PRRT4: variants seen among roughly 807,000 people sequenced by gnomAD.
PRRT4 encodes proline rich transmembrane protein 4.
A neutral mutation model predicts 55.6 loss-of-function variants in PRRT4; 59 were observed. The ratio of observed to expected loss-of-function variants is 1.06; its 90% confidence interval spans 0.86 to 1.32. The LOEUF (loss-of-function observed/expected upper bound fraction) is 1.32. Among genes scored for constraint, PRRT4 ranks in the 40% most tolerant of loss-of-function variants. The pLI, the probability that PRRT4 is intolerant of heterozygous loss-of-function variation, is 0.00. For missense variants in PRRT4, 1,217 were observed against 1,222.0 expected, an observed-to-expected ratio of 1.00 and a Z score of 0.06; for synonymous variants, 606 against 601.8, an observed-to-expected ratio of 1.01 and a Z score of -0.10.
exon 5 of PRRT4, chr7:128,351,504 G>A (rs770932631): frequency 8.7e-5 from 130 of 1,500,358 alleles, no homozygotes; most frequent in Admixed American, 2.0e-4. Flanking sequence ...GGAGGTCTGG[G>A]CCTGGCCCTG....
At chr7:128,359,505 C>T (rs773664441) in exon 2 of PRRT4, 10 of 1,467,950 alleles carry the variant, frequency 6.8e-6, no homozygotes, top group Non-Finnish European at 9.0e-6. Context: ...GATGGAAGTG[C>T]TGTCACCATC....
exon 5 of PRRT4, chr7:128,351,388 G>A: frequency 2.6e-6 from 4 of 1,543,558 alleles, no homozygotes; most frequent in Non-Finnish European, 3.5e-6. Context: ...GATTGGGGAG[G>A]GCGGGCGGAA....
At chr7:128,351,717 G>C in exon 5 of PRRT4, 1 of 1,484,490 alleles carries the variant, frequency 6.7e-7, no homozygotes, top group Non-Finnish European at 8.9e-7. Flanking sequence ...GCGCCAACGG[G>C]AGCGCGACGC....
chr7:128,352,648 T>A (rs1012230625), exon 5 of PRRT4: 1 of 1,536,896 alleles, frequency 6.5e-7, no homozygotes, highest in Non-Finnish European at 8.7e-7. Flanking sequence ...AGGAGAGAGG[T>A]CATCTGGGCC....
chr7:128,357,551 T>C (rs1797142247), intron 4 of PRRT4, among the ~76,000 whole-genome samples: 1 of 152,156 alleles, frequency 6.6e-6, no homozygotes, highest in Non-Finnish European at 1.5e-5. Context: ...CTGCCCCTGC[T>C]GCACGCTGGG....
At chr7:128,353,736 G>A (rs563980933) in intron 4 of PRRT4, among the ~76,000 whole-genome samples, 1 of 152,310 alleles carries the variant, frequency 6.6e-6, no homozygotes, top group Admixed American at 6.5e-5. Context: ...AACTCCCAGG[G>A]AGAAACTCTT....
chr7:128,359,623 C>T lies in PRRT4; in HGVS notation c.369G>A (p.Arg123=), dbSNP rs141067389. 4.8e-4 allele frequency: 739 copies of T among 1,535,200 alleles called. 11 individuals are homozygous for T. In the East Asian group the frequency reaches 0.018, roughly 37 times the overall value. ...TGGACTCCGGAAGCAGGGAGGAGGC[C>T]CGGGGCTTTGAGCCACCTTCGGTGG... The change falls in exon 2 of 5, where the codon CGG becomes CGA. Residue 123 remains arginine (R), a synonymous_variant. Coordinates refer to ENST00000535159, the Ensembl canonical transcript of PRRT4.
Position 128,358,858 on chromosome 7 carries a change from G to T in PRRT4, c.758-58C>A. On this transcript the variant is annotated intron_variant, in intron 3 of 4. Transcript: ENST00000535159. The surrounding 1 kb of genome is among the most constrained non-coding windows in gnomAD (Gnocchi z 4.4). ...CCCCACCAACCAGCCTTGCCTCTGG[G>T]AGTTTGGAGAAAATTATGTCCTTCC... The T allele has an allele frequency of 6.8e-7, 1 of 1,477,282 alleles. No homozygotes were observed. Among genetic ancestry groups the T allele is most frequent in the African/African-American group, 1.4e-5 (1 of 70,192 alleles). The allele number at this position is 1,477,282 out of a possible 1,614,324, so 91.5% of individuals were successfully genotyped here. A position where few individuals can be genotyped will look rare whatever the true frequency, so the allele number is the denominator to read the frequency against.
chr7:128,358,883 C>T lies in PRRT4; in HGVS notation c.758-83G>A, dbSNP rs1049608950. On this transcript the variant is annotated intron_variant, in intron 3 of 4. Transcript: ENST00000535159. The surrounding 1 kb of genome is among the most constrained non-coding windows in gnomAD (Gnocchi z 4.4). ...GAGTTTGGAGAAAATTATGTCCTTCCCCAGAGTTTGTCCTAAGGAAGTCAC... is the reference window on the plus strand; with the variant it reads ...GAGTTTGGAGAAAATTATGTCCTTCTCCAGAGTTTGTCCTAAGGAAGTCAC... 6.8e-7 allele frequency: 1 copy of T among 1,467,624 alleles called. No homozygotes were observed. The highest frequency in any genetic ancestry group is 1.4e-5 in the African/African-American group (1 of 70,006). The allele number at this position is 1,467,624 out of a possible 1,614,324, so 90.9% of individuals were successfully genotyped here.
intron 1 of PRRT4, among the ~76,000 whole-genome samples, chr7:128,361,076 G>GTCTCTCTCTC (rs71160633): frequency 6.5e-4 from 65 of 100,476 alleles, no homozygotes; most frequent in South Asian, 1.2e-3. Context: ...GGCCTCCCCT[G>GTCTCTCTCTC]TCTCTCTCTC....
chr7:128,354,653 A>C (rs1272777917), intron 4 of PRRT4, among the ~76,000 whole-genome samples: 3 of 152,052 alleles, frequency 2.0e-5, no homozygotes, highest in Non-Finnish European at 4.4e-5. Context: ...AAAACATAAG[A>C]GTTCTGAGAA....
In PRRT4 at chr7:128,357,217, C is replaced by T. The variant is rs536297052; in HGVS notation, c.877+1464G>A. Among the ~76,000 whole-genome samples the T allele has an allele frequency of 5.1e-4, 60 of 118,800 alleles. No homozygotes were observed. The East Asian group carries it at 0.012, about 24-fold the overall frequency. The allele number at this position is 118,800 out of a possible 152,430, so 77.9% of individuals were successfully genotyped here. A position where few individuals can be genotyped will look rare whatever the true frequency, so the allele number is the denominator to read the frequency against. On this transcript the variant is annotated intron_variant, in intron 4 of 4. Transcript: ENST00000535159. ...TAACTGCTTGATACAAATACACACA[C>T]ACACACACACACACACACACTCTCT...
At chr7:128,359,214 G>A (rs1349503265) in exon 3 of PRRT4, 1 of 1,551,742 alleles carries the variant, frequency 6.4e-7, no homozygotes, top group Non-Finnish European at 8.7e-7. Context: ...GCTCAGGCCG[G>A]AGAAGTTCCG....
In PRRT4 at chr7:128,358,688, T is replaced by C. The variant is rs1250937045; in HGVS notation, c.870A>G (p.Thr290=). ...AATGAATTGGATACTTACCTAATGA[T>C]GTTGTTGCAATCGAGGCAAAACTTA... Residue 290 remains threonine, a synonymous_variant, in exon 4 of 5, where the codon ACA becomes ACG. Coordinates refer to ENST00000535159, the Ensembl canonical transcript of PRRT4. This position sits in a 1 kb window ranked among gnomAD's most constrained non-coding sequence, Gnocchi z 4.4. 2 of 1,551,724 alleles carry C rather than the reference T, an allele frequency of 1.3e-6. No homozygotes were observed. Among genetic ancestry groups the C allele is most frequent in the South Asian group, 2.4e-5 (2 of 84,068 alleles).
At chr7:128,360,987 G>C (rs1199423619) in intron 1 of PRRT4, among the ~76,000 whole-genome samples, 1 of 145,024 alleles carries the variant, frequency 6.9e-6, no homozygotes, top group Non-Finnish European at 1.5e-5. Context: ...ACGCGCGCGC[G>C]CACACACACA....
At chr7:128,359,757 G>T (rs1449661397) in exon 2 of PRRT4, 1 of 1,550,406 alleles carries the variant, frequency 6.4e-7, no homozygotes, top group Non-Finnish European at 8.7e-7. Context: ...CCTGGCCCAA[G>T]AGAGAGTGGC....
intron 2 of PRRT4, 35 bp from the exon 4 acceptor site, chr7:128,359,288 C>T (rs1797182119): frequency 2.6e-6 from 4 of 1,541,792 alleles, no homozygotes; most frequent in Non-Finnish European, 2.6e-6. Context: ...CTGCCTCCTA[C>T]CTGCCAGGGG....
At position 128,351,785 on chromosome 7, in the gene PRRT4, G is replaced by C; in HGVS notation, c.1771C>G (p.Leu591Val). 3 of 1,424,266 alleles carry C rather than the reference G, an allele frequency of 2.1e-6. No homozygotes were observed. The South Asian group carries it at 4.5e-5, about 21-fold the overall frequency. The allele number at this position is 1,424,266 out of a possible 1,614,324, so 88.2% of individuals were successfully genotyped here. Reference sequence around the variant, plus strand: ...GCCCACCAGGGCCAGGGCCCTTCCAGGCCGGATTGGCCGCCGTAGCCCAGG... The same window carrying C: ...GCCCACCAGGGCCAGGGCCCTTCCACGCCGGATTGGCCGCCGTAGCCCAGG... Residue 591 changes from leucine (L) to valine (V), a missense_variant, in exon 5 of 5, where the codon CTG (leucine) becomes GTG (valine). Transcript: ENST00000535159.
At chr7:128,351,030 G>C in exon 5 of PRRT4, 1 of 1,549,662 alleles carries the variant, frequency 6.5e-7, no homozygotes, top group Non-Finnish European at 8.7e-7. Flanking sequence ...GGCTGGGGCT[G>C]CTTCCTGAGG....
Sources: allele counts gnomAD v4.1 joint callset (sites outside exome capture counted in the v4.1 genomes callset), GRCh38; gene constraint gnomAD v4.1.1; non-coding constraint Gnocchi (gnomAD v3.1); transcripts MANE v1.5; gene names NCBI Gene and HGNC (gene_info 2026-07-23, HGNC 2026-07-21).